PLEKHA4: variants seen among roughly 807,000 people sequenced by gnomAD.
PLEKHA4 encodes pleckstrin homology domain containing A4, also known as pleckstrin homology domain-containing family A member 4.
Under a neutral mutation model 94.7 loss-of-function variants are expected in PLEKHA4, and 73 were observed. That is an observed-to-expected ratio of 0.77 (90% CI 0.64 to 0.94). PLEKHA4 has a LOEUF of 0.94. Among genes scored for constraint, PLEKHA4 ranks in the 40% least tolerant of loss-of-function variants. PLEKHA4 has a pLI of 0.00. For synonymous variants in PLEKHA4, 449 were observed against 437.1 expected (o/e 1.03, Z -0.34); for missense variants, 1,049 against 1,054.1 (o/e 1.00, Z 0.07).
chr19:48,843,326 G>A (rs1368046253), intron 16 of PLEKHA4, among the ~76,000 whole-genome samples: 2 of 151,898 alleles, frequency 1.3e-5, no homozygotes, highest in Non-Finnish European at 2.9e-5. Flanking sequence ...TTACAGGCAT[G>A]TGCCACCACG....
At chr19:48,840,715 A>C (rs1314751582) in intron 17 of PLEKHA4, among the ~76,000 whole-genome samples, 1 of 152,110 alleles carries the variant, frequency 6.6e-6, no homozygotes, top group Non-Finnish European at 1.5e-5. Flanking sequence ...GTGAGCCACC[A>C]TGCCCGGCCG....
intron 8 of PLEKHA4, among the ~76,000 whole-genome samples, chr19:48,858,382 G>A (rs1366657507): frequency 6.6e-6 from 1 of 152,132 alleles, no homozygotes; most frequent in Non-Finnish European, 1.5e-5. Context: ...AGCACTTTGG[G>A]AGGCTGAGAT....
rs558525154 is a variant in PLEKHA4 at position 48,845,215 on chromosome 19, C to T, written c.1743+155G>A. On this transcript the variant is annotated intron_variant, in intron 16 of 19. Transcript: ENST00000263265. ...GACCCAAAGTCACACAGCTTAGAAG[C>T]GACAGAGACAAAAATCAATCTCAAT... The T allele has an allele frequency of 3.8e-4, 266 of 708,680 alleles. 1 individual carries two copies. Among genetic ancestry groups the T allele is most frequent in the Non-Finnish European group, 5.6e-4 (237 of 420,300 alleles). 43.9% of individuals were successfully genotyped at this position (708,680 alleles called of 1,614,324 possible). A position where few individuals can be genotyped will look rare whatever the true frequency, so the allele number is the denominator to read the frequency against.
chr19:48,863,312 G>A (rs2036712469), intron 3 of PLEKHA4, among the ~76,000 whole-genome samples: 1 of 152,182 alleles, frequency 6.6e-6, no homozygotes, highest in South Asian at 2.1e-4. Context: ...GGAGTGCAGT[G>A]GCACAATCTC....
chr19:48,851,990 G>A (rs113417491), intron 13 of PLEKHA4, among the ~76,000 whole-genome samples: 1 of 151,814 alleles, frequency 6.6e-6, no homozygotes, highest in African/African-American at 2.4e-5. Context: ...ATAACAGCTC[G>A]AGAAAACGGC....
chr19:48,841,556 G>A (rs924828708), intron 16 of PLEKHA4, among the ~76,000 whole-genome samples: 1 of 152,060 alleles, frequency 6.6e-6, no homozygotes, highest in Non-Finnish European at 1.5e-5. Flanking sequence ...GAACCCCAGA[G>A]GTGGAGGTTG....
chr19:48,837,468 G>T lies in PLEKHA4; in HGVS notation c.2161C>A (p.Pro721Thr). The change falls in exon 20 of 20, where the codon CCC (proline) becomes ACC (threonine). Residue 721 changes from proline to threonine, a missense_variant. Transcript: ENST00000263265. The surrounding 1 kb of genome is among the most constrained non-coding windows in gnomAD (Gnocchi z 4.3). The part of the protein sequence containing the change: ...SDPTRQETPP[P>T]RSPPVANSGS... ...GAATTAGCCACCGGGGGAGATCTGG[G>T]GGGAGGGGTCTCCTGGCGCGTGGGG... The T allele has an allele frequency of 6.2e-7, 1 of 1,613,298 alleles. No homozygotes were observed. Among genetic ancestry groups the T allele is most frequent in the Non-Finnish European group, 8.5e-7 (1 of 1,179,702 alleles).
At chr19:48,861,346 C>T (rs1295128010) in intron 5 of PLEKHA4, 55 bp downstream of exon 5, 6 of 1,441,862 alleles carry the variant, frequency 4.2e-6, no homozygotes, top group Non-Finnish European at 4.9e-6. Context: ...GATATCTACC[C>T]GCCCTCATCT....
At chr19:48,853,557 A>T in intron 12 of PLEKHA4, 125 bp downstream of exon 12, 1 of 1,035,222 alleles carries the variant, frequency 9.7e-7, no homozygotes, top group Non-Finnish European at 1.3e-6. Flanking sequence ...AAAAAATAAT[A>T]AAATTTGGAG....
chr19:48,857,290 T>A (rs1023733983), intron 9 of PLEKHA4, 132 bp downstream of exon 9: 6 of 561,832 alleles, frequency 1.1e-5, no homozygotes, highest in African/African-American at 2.0e-5. Flanking sequence ...ACCACATGAA[T>A]CTAATACCTA....
In PLEKHA4 at chr19:48,854,281, A is replaced by G. The variant is rs371065908; in HGVS notation, c.1048-17T>C. On this transcript the variant is annotated splice_polypyrimidine_tract_variant and intron_variant, in intron 9 of 19. Coordinates refer to ENST00000263265, the MANE Select transcript of PLEKHA4 (RefSeq NM_020904.3). Reference sequence around the variant, plus strand: ...AGGACCCGGCTGAAGAGAAGGAAAAAAGTCAGGGGTCAAAGGGGACAGGCT... The same window carrying G: ...AGGACCCGGCTGAAGAGAAGGAAAAGAGTCAGGGGTCAAAGGGGACAGGCT... 1.0e-4 allele frequency: 167 copies of G among 1,612,954 alleles called. 1 individual carries two copies. In the African/African-American group the frequency reaches 2.0e-3, roughly 19 times the overall value.
chr19:48,847,715 G>A (rs920037123), intron 14 of PLEKHA4, among the ~76,000 whole-genome samples, 185 bp downstream of exon 14: 5 of 152,164 alleles, frequency 3.3e-5, no homozygotes, highest in African/African-American at 4.8e-5. Context: ...CTGGATGACA[G>A]AGTGAGACTA....
At chr19:48,854,337 G>C in intron 9 of PLEKHA4, 73 bp from the exon 10 acceptor site, 1 of 1,334,982 alleles carries the variant, frequency 7.5e-7, no homozygotes. Flanking sequence ...GCTGAGCCAC[G>C]CCCTGTCTCT....
At chr19:48,856,898 C>CAAAAAA (rs1315657736) in intron 9 of PLEKHA4, among the ~76,000 whole-genome samples, 3,855 of 35,176 alleles carry the variant, frequency 0.11, 301 homozygotes, top group African/African-American at 0.19. Context: ...GACCCCGTCT[C>CAAAAAA]AAAAAAAAAA....
chr19:48,852,660 C>T (rs1180956789), intron 12 of PLEKHA4, among the ~76,000 whole-genome samples: 2 of 151,984 alleles, frequency 1.3e-5, no homozygotes, highest in African/African-American at 2.4e-5. Context: ...CAGCCAGACA[C>T]GGTGGTTCAG....
intron 9 of PLEKHA4, among the ~76,000 whole-genome samples, chr19:48,855,374 C>T (rs1460401631): frequency 6.6e-6 from 1 of 151,964 alleles, no homozygotes; most frequent in Non-Finnish European, 1.5e-5. Context: ...GAGGCCGAGG[C>T]GGGTGGATCA....
chr19:48,859,232 C>A, intron 7 of PLEKHA4, 93 bp from the exon 8 acceptor site: 1 of 1,060,322 alleles, frequency 9.4e-7, no homozygotes, highest in Admixed American at 2.4e-5. Context: ...ACATGTCTCA[C>A]TTCACTGTGT....
intron 5 of PLEKHA4, 32 bp from the exon 6 acceptor site, chr19:48,860,491 C>A (rs965612199): frequency 3.8e-6 from 6 of 1,559,662 alleles, no homozygotes; most frequent in African/African-American, 1.4e-5. Context: ...AATCCGGACT[C>A]CCGGGCCTTG....
chr19:48,849,608 C>T (rs901850257), intron 13 of PLEKHA4, among the ~76,000 whole-genome samples: 2 of 152,294 alleles, frequency 1.3e-5, no homozygotes, highest in South Asian at 2.1e-4. Flanking sequence ...CACGCCCGGC[C>T]GTGTCAATGT....
Sources: gnomAD v4.1 joint callset for allele counts (sites outside exome capture counted in the v4.1 genomes callset) on GRCh38, gnomAD v4.1.1 for gene constraint, Gnocchi (gnomAD v3.1) non-coding constraint, MANE v1.5 for transcripts, NCBI Gene and HGNC (gene_info 2026-07-23, HGNC 2026-07-21) for gene names.